LMLN: variants seen among roughly 807,000 people sequenced by gnomAD.
LMLN encodes leishmanolysin like peptidase.
LMLN carries 70 observed loss-of-function variants against 92.3 expected under a neutral mutation model. That is an observed-to-expected ratio of 0.76 (90% CI 0.63 to 0.92). The LOEUF is 0.92. Among genes scored for constraint, LMLN ranks in the 40% least tolerant of loss-of-function variants. LMLN has a pLI of 0.00. For synonymous variants in LMLN, 308 were observed against 296.2 expected, an observed-to-expected ratio of 1.04 and a Z score of -0.41; for missense variants, 691 against 814.6, an observed-to-expected ratio of 0.85 and a Z score of 1.85.
At chr3:198,012,089 G>A (rs144695058) in intron 11 of LMLN, among the ~76,000 whole-genome samples, 2,365 of 152,080 alleles carry the variant, frequency 0.016, 21 homozygotes, top group Non-Finnish European at 0.017. Flanking sequence ...TTTTTGAGAC[G>A]GAGTTTCACT....
At chr3:198,041,313 ATCC>A (rs1723398357) in exon 16 of LMLN, 1 of 152,238 alleles carries the variant, frequency 6.6e-6, no homozygotes, top group Non-Finnish European at 1.5e-5. Context: ...AAAATCCAGA[ATCC>A]AAATTGCTCC....
At chr3:197,975,485 G>A (rs144025355) in intron 3 of LMLN, among the ~76,000 whole-genome samples, 21 of 151,980 alleles carry the variant, frequency 1.4e-4, no homozygotes, top group East Asian at 5.8e-4. Flanking sequence ...ACACATGCAC[G>A]CATGCACACA....
exon 16 of LMLN, chr3:198,038,907 A>G (rs893672847): frequency 3.8e-5 from 15 of 392,048 alleles, no homozygotes; most frequent in South Asian, 2.3e-4. Flanking sequence ...CCACCTCGTC[A>G]GCAACCCAAC....
At chr3:197,970,900 G>A (rs566087690) in intron 1 of LMLN, among the ~76,000 whole-genome samples, 38 of 152,242 alleles carry the variant, frequency 2.5e-4, no homozygotes, top group African/African-American at 8.4e-4. Flanking sequence ...ACCCTTTTGT[G>A]TTATTTCCAT....
chr3:197,962,549 C>A (rs925221052), intron 1 of LMLN, among the ~76,000 whole-genome samples: 5 of 152,142 alleles, frequency 3.3e-5, no homozygotes, highest in Admixed American at 6.5e-5. Flanking sequence ...AAAATACTAA[C>A]CCTTTCTCCA....
chr3:198,030,989 A>G (rs974130462), intron 14 of LMLN, among the ~76,000 whole-genome samples: 3 of 151,410 alleles, frequency 2.0e-5, no homozygotes, highest in Non-Finnish European at 4.4e-5. Flanking sequence ...GCTAGTTTCC[A>G]CCGTGACGCC....
chr3:197,961,009 C>A (rs1191053709), intron 1 of LMLN, among the ~76,000 whole-genome samples: 1 of 152,124 alleles, frequency 6.6e-6, no homozygotes, highest in Non-Finnish European at 1.5e-5. Flanking sequence ...TCTGGAAGTG[C>A]CTGCCCGCCT....
chr3:197,976,579 A>T lies in LMLN; in HGVS notation c.432-19A>T. ...TTCTCTTTTTTGTATTTAAACTTTG[A>T]TGTACAAATGGACTGAAGACAATGT... On this transcript the variant is annotated intron_variant, in intron 4 of 15. Transcript: ENST00000330198. 1 of 1,348,536 alleles carries T rather than the reference A, an allele frequency of 7.4e-7. No individual in the cohort carries two copies. Among genetic ancestry groups the T allele is most frequent in the Non-Finnish European group, 1.0e-6 (1 of 970,376 alleles). 83.5% of individuals were successfully genotyped at this position (1,348,536 alleles called of 1,614,324 possible).
Position 198,035,874 on chromosome 3 carries a change from T to C in LMLN, c.1698T>C (p.Asp566=), listed in dbSNP as rs749572930. ...AAGGTCTGAAAGTTTGGGTCCAAGA[T>C]ACTTCATATTTGTGTAGTCGGGCTG... Residue 566 remains aspartate (D), a synonymous_variant, in exon 15 of 16, where the codon GAT becomes GAC. Transcript: ENST00000330198. 2.5e-6 allele frequency: 4 copies of C among 1,614,180 alleles called. No individual in the cohort carries two copies. The South Asian group carries it at 4.4e-5, about 18-fold the overall frequency.
chr3:197,997,195 T>C (rs1346438686), intron 10 of LMLN, among the ~76,000 whole-genome samples: 1 of 152,096 alleles, frequency 6.6e-6, no homozygotes, highest in African/African-American at 2.4e-5. Flanking sequence ...AGTGGCATGA[T>C]TTCAGTTCAC....
intron 11 of LMLN, among the ~76,000 whole-genome samples, chr3:198,009,525 A>G (rs569332495): frequency 6.6e-6 from 1 of 152,300 alleles, no homozygotes; most frequent in South Asian, 2.1e-4. Context: ...TTTTTCTGGA[A>G]GAGATTGTAT....
rs189698176 is a variant in LMLN at position 197,977,403 on chromosome 3, A to T, written c.549+688A>T. ...ATCTGGGTACATATAAAATCATCAA[A>T]CAATCTGGAAGTACACACATGTTAA... On this transcript the variant is annotated intron_variant, in intron 5 of 15. Coordinates refer to ENST00000330198, the Ensembl canonical transcript of LMLN. 7.2e-5 allele frequency among the ~76,000 whole-genome samples: 11 copies of T among 152,274 alleles called. No homozygotes were observed. The East Asian group carries it at 1.9e-3, about 27-fold the overall frequency.
chr3:197,989,450 T>C (rs1397774555), intron 8 of LMLN, among the ~76,000 whole-genome samples: 1 of 152,260 alleles, frequency 6.6e-6, no homozygotes, highest in African/African-American at 2.4e-5. Context: ...ACCTTTTTTT[T>C]CTAAATGGAT....
At chr3:197,996,908 A>G (rs1484385130) in intron 10 of LMLN, among the ~76,000 whole-genome samples, 1 of 152,090 alleles carries the variant, frequency 6.6e-6, no homozygotes, top group Non-Finnish European at 1.5e-5. Flanking sequence ...CAGCCTCCGA[A>G]GTAGCTGGGA....
intron 8 of LMLN, among the ~76,000 whole-genome samples, chr3:197,987,221 G>A (rs1436208038): frequency 6.8e-6 from 1 of 147,252 alleles, no homozygotes; most frequent in Non-Finnish European, 1.5e-5. Flanking sequence ...GTGCAGTGGT[G>A]CAATCTCGGC....
At chr3:198,035,345 A>T (rs1462995363) in intron 14 of LMLN, among the ~76,000 whole-genome samples, 2 of 151,260 alleles carry the variant, frequency 1.3e-5, no homozygotes, top group Non-Finnish European at 2.9e-5. Flanking sequence ...TTTAGGACCT[A>T]AATAACCCTC....
chr3:198,023,464 T>A (rs921132012), intron 13 of LMLN, among the ~76,000 whole-genome samples: 4 of 152,146 alleles, frequency 2.6e-5, no homozygotes, highest in African/African-American at 9.7e-5. Context: ...GTTGAAATTA[T>A]AGGCTTGAGC....
intron 11 of LMLN, among the ~76,000 whole-genome samples, chr3:198,000,918 A>AT (rs11308966): frequency 4.0e-4 from 60 of 151,422 alleles, no homozygotes; most frequent in African/African-American, 1.4e-3. Flanking sequence ...TATTTTTATT[A>AT]TTTTTTTTTA....
chr3:198,038,854 A>G (rs1263123077), exon 16 of LMLN: 2 of 485,782 alleles, frequency 4.1e-6, no homozygotes, highest in African/African-American at 2.0e-5. Flanking sequence ...CAGCAACCCA[A>G]CCACCTTCAT....
Sources: gnomAD v4.1 joint callset for allele counts (sites outside exome capture counted in the v4.1 genomes callset) on GRCh38, gnomAD v4.1.1 for gene constraint, MANE v1.5 for transcripts, NCBI Gene and HGNC (gene_info 2026-07-23, HGNC 2026-07-21) for gene names.